Variants in LUC7L2 observed in about 807,000 individuals in gnomAD.
LUC7L2 encodes putative RNA-binding protein Luc7-like 2.
A neutral mutation model predicts 52.8 loss-of-function variants in LUC7L2; 25 were observed. The ratio of observed to expected loss-of-function variants is 0.47; its 90% CI spans 0.34 to 0.66. The LOEUF is 0.66. Among genes scored for constraint, LUC7L2 ranks in the 30% least tolerant of loss-of-function variants. LUC7L2 has a pLI of 0.01. For missense variants in LUC7L2, 328 were observed against 497.8 expected, an observed-to-expected ratio of 0.66 and a Z score of 3.25; for synonymous variants, 144 against 160.9, an observed-to-expected ratio of 0.89 and a Z score of 0.80.
chr7:139,380,612 TAA>T (rs1258240019), intron 2 of LUC7L2, among the ~76,000 whole-genome samples: 1 of 152,086 alleles, frequency 6.6e-6, no homozygotes, highest in Non-Finnish European at 1.5e-5. Flanking sequence ...AAAATAATAA[TAA>T]AATAAGAAGC....
chr7:139,412,733 C>A, intron 8 of LUC7L2, 153 bp downstream of exon 8: 3 of 861,008 alleles, frequency 3.5e-6, no homozygotes, highest in Non-Finnish European at 3.3e-6. Context: ...GAGGCTGAGG[C>A]AGAATTGCTT....
intron 9 of LUC7L2, among the ~76,000 whole-genome samples, chr7:139,419,313 G>A (rs762654020): frequency 5.3e-5 from 8 of 152,014 alleles, no homozygotes; most frequent in East Asian, 1.9e-4. Flanking sequence ...TCAGGTAGTC[G>A]GTAAAATTTG....
chr7:139,417,204 C>T (rs114015960), intron 8 of LUC7L2: 202 of 194,220 alleles, frequency 1.0e-3, no homozygotes, highest in African/African-American at 4.5e-3. Context: ...CTGTGTCCAG[C>T]TAATTTTTGT....
chr7:139,408,841 C>CA (rs564827916), intron 6 of LUC7L2, among the ~76,000 whole-genome samples: 3,870 of 86,870 alleles, frequency 0.045, 204 homozygotes, highest in African/African-American at 0.13. Context: ...GACTCTGTCT[C>CA]AAAAAAAAAA....
intron 1 of LUC7L2, chr7:139,345,553 C>T (rs964574015): frequency 6.2e-7 from 1 of 1,614,014 alleles, no homozygotes; most frequent in African/African-American, 1.3e-5. Context: ...TTCCAAGCTG[C>T]CACCTATCTC....
intron 1 of LUC7L2, among the ~76,000 whole-genome samples, chr7:139,343,174 A>T (rs1799086661): frequency 6.6e-6 from 1 of 152,228 alleles, no homozygotes; most frequent in Admixed American, 6.5e-5. Context: ...TAGAATTCCC[A>T]TGTCAAATTC....
chr7:139,367,685 G>A (rs746575112), intron 1 of LUC7L2, among the ~76,000 whole-genome samples: 1 of 152,186 alleles, frequency 6.6e-6, no homozygotes, highest in East Asian at 1.9e-4. Context: ...ATATACCTAA[G>A]CCTGTAAGCA....
At chr7:139,355,997 T>A (rs1799593497), upstream of LUC7L2, among the ~76,000 whole-genome samples, 1 of 151,894 alleles carries the variant, frequency 6.6e-6, no homozygotes. Context: ...AAAGGTTAGG[T>A]AGAATGTATG....
At chr7:139,398,789 G>A (rs1315475598) in intron 3 of LUC7L2, 92 bp downstream of exon 3, 4 of 1,195,110 alleles carry the variant, frequency 3.3e-6, no homozygotes, top group Admixed American at 5.1e-5. Flanking sequence ...AAAACTCTTA[G>A]CAGTTTATCC....
intron 1 of LUC7L2, chr7:139,375,719 C>T: frequency 1.6e-6 from 1 of 631,280 alleles, no homozygotes; most frequent in South Asian, 6.3e-5. Context: ...TGCTTAACCT[C>T]TCGGGGCCTC....
At chr7:139,412,499 T>C in intron 7 of LUC7L2, 52 bp from the exon 8 acceptor site, 1 of 1,559,014 alleles carries the variant, frequency 6.4e-7, no homozygotes, top group East Asian at 2.2e-5. Flanking sequence ...AACACTGCAC[T>C]GTTTTCTTAT....
intron 1 of LUC7L2, among the ~76,000 whole-genome samples, chr7:139,350,900 T>C (rs1799437997): frequency 6.6e-6 from 1 of 152,142 alleles, no homozygotes; most frequent in Non-Finnish European, 1.5e-5. Flanking sequence ...GGTCTCCGAC[T>C]ACTGACCTCG....
At chr7:139,381,997 G>C (rs1000604379) in intron 2 of LUC7L2, among the ~76,000 whole-genome samples, 3 of 148,326 alleles carry the variant, frequency 2.0e-5, no homozygotes, top group Admixed American at 7.1e-5. Flanking sequence ...CGATTCCCTT[G>C]CCTCAGCCTC....
At chr7:139,379,546 A>C (rs1800883332) in intron 2 of LUC7L2, among the ~76,000 whole-genome samples, 1 of 113,280 alleles carries the variant, frequency 8.8e-6, no homozygotes, top group South Asian at 2.9e-4. Flanking sequence ...AGTATAACTA[A>C]TGCTTTTTTT....
chr7:139,399,777 G>T (rs940380351), intron 3 of LUC7L2, among the ~76,000 whole-genome samples: 1 of 152,008 alleles, frequency 6.6e-6, no homozygotes, highest in Non-Finnish European at 1.5e-5. Context: ...CCGTTTGGGG[G>T]ATATTAAGGA....
intron 2 of LUC7L2, among the ~76,000 whole-genome samples, chr7:139,377,812 C>G (rs1800794139): frequency 6.7e-6 from 1 of 149,312 alleles, no homozygotes; most frequent in African/African-American, 2.5e-5. Flanking sequence ...CAGGCATGAG[C>G]TACCGCGCCT....
At chr7:139,342,650 C>T (rs1029510241) in intron 1 of LUC7L2, among the ~76,000 whole-genome samples, 12 of 152,080 alleles carry the variant, frequency 7.9e-5, no homozygotes, top group Non-Finnish European at 8.8e-5. Context: ...TTAGTGGAGA[C>T]GGGGTTTCTC....
chr7:139,402,689 A>T (rs2131284616), intron 4 of LUC7L2, among the ~76,000 whole-genome samples: 1 of 151,930 alleles, frequency 6.6e-6, no homozygotes, highest in African/African-American at 2.4e-5. Flanking sequence ...GGCCCAGCTA[A>T]TTTTTTTTAT....
chr7:139,340,727 TGG>T, intron 1 of LUC7L2: 1 of 384,898 alleles, frequency 2.6e-6, no homozygotes. Context: ...GATAAGGCAT[TGG>T]CCTCCTAAGC....
Sources: allele counts gnomAD v4.1 joint callset (sites outside exome capture counted in the v4.1 genomes callset), GRCh38; gene constraint gnomAD v4.1.1; transcripts MANE v1.5; gene names NCBI Gene and HGNC (gene_info 2026-07-23, HGNC 2026-07-21).